SASH1: variants seen among roughly 807,000 people sequenced by gnomAD.
The protein encoded by SASH1 is SAM and SH3 domain containing 1, also known as SAM and SH3 domain-containing protein 1.
Under a neutral mutation model 125.2 loss-of-function variants are expected in SASH1, and 44 were observed. The ratio of observed to expected loss-of-function variants is 0.35; its 90% CI spans 0.28 to 0.45. The LOEUF is 0.45. Ranked by LOEUF, SASH1 falls within the 20% of genes least tolerant of loss-of-function variation. The probability of loss-of-function intolerance (pLI) is 1.00; values close to 1 mark genes in which losing one functional copy is unlikely to be tolerated. For missense variants in SASH1, 1,426 were observed against 1,614.5 expected (o/e 0.88, Z 2.00); for synonymous variants, 639 against 649.1 (o/e 0.98, Z 0.24).
chr6:148,213,358 G>C, the SASH1 span, among the ~76,000 whole-genome samples: 3 of 152,084 alleles, frequency 2.0e-5, no homozygotes, highest in South Asian at 4.2e-4. Context: ...TGTATTCTCC[G>C]CTTTTATGGA....
upstream of SASH1, chr6:148,342,694 G>C (rs986860212): frequency 3.9e-5 from 6 of 152,276 alleles, no homozygotes; most frequent in East Asian, 1.9e-4. Context: ...AACGAGTCGC[G>C]TGCCTTAGTT....
intron 1 of SASH1, among the ~76,000 whole-genome samples, chr6:148,366,083 A>G (rs1782441703): frequency 6.6e-6 from 1 of 151,942 alleles, no homozygotes; most frequent in South Asian, 2.1e-4. Flanking sequence ...ACTGCACTCC[A>G]GCCTGGGGGA....
In SASH1 at chr6:148,532,831, C is replaced by A. The variant is rs1781602827; in HGVS notation, c.1599C>A (p.Thr533=). The change falls in exon 14 of 20, where the codon ACC becomes ACA. Residue 533 remains threonine (T), a synonymous_variant. Coordinates refer to ENST00000367467, the MANE Select transcript of SASH1 (RefSeq NM_015278.5). The surrounding 1 kb of genome is among the most constrained non-coding windows in gnomAD (Gnocchi z 4.7). The part of the protein sequence containing the change: ...GQTVSTTDSS[T]SNRESVKSED... The stretch of plus-strand genomic sequence containing the variant: ...CAGTGAGCACCACTGATTCCTCAAC[C>A]AGCAACCGGGAAAGCGTCAAGTCGG... The A allele has an allele frequency of 1.9e-6, 3 of 1,614,228 alleles. No homozygotes were observed. Among genetic ancestry groups the A allele is most frequent in the Non-Finnish European group, 2.5e-6 (3 of 1,180,050 alleles).
chr6:148,467,160 G>A (rs1053662415), intron 4 of SASH1, among the ~76,000 whole-genome samples: 1 of 136,280 alleles, frequency 7.3e-6, no homozygotes. Context: ...GCAATGGTGC[G>A]ATCTTGGCTC....
At chr6:148,322,263 A>G (rs1334075358) in intron 1 of SASH1, among the ~76,000 whole-genome samples, 1 of 152,136 alleles carries the variant, frequency 6.6e-6, no homozygotes, top group Non-Finnish European at 1.5e-5. Context: ...AGGGCATGAG[A>G]ATCAGTTGAA....
intron 9 of SASH1, among the ~76,000 whole-genome samples, chr6:148,517,157 T>TTA (rs1299906278): frequency 6.6e-6 from 1 of 152,184 alleles, no homozygotes; most frequent in Non-Finnish European, 1.5e-5. Context: ...ATGTTTACTG[T>TTA]TATCATCACA....
At chr6:148,368,770 G>GCACGCACGCACACACACACACACACACA (rs1554245333) in intron 1 of SASH1, among the ~76,000 whole-genome samples, 1 of 135,644 alleles carries the variant, frequency 7.4e-6, no homozygotes, top group South Asian at 2.6e-4. Flanking sequence ...GCACGCGCGC[G>GCACGCACGCACACACACACACACACACA]CACACACACA....
chr6:148,493,294 T>C lies in SASH1; in HGVS notation c.729+5579T>C, dbSNP rs903391160. 6.6e-5 allele frequency among the ~76,000 whole-genome samples: 10 copies of C among 152,234 alleles called. No individual in the cohort carries two copies. The South Asian group carries it at 8.3e-4, about 13-fold the overall frequency. On this transcript the variant is annotated intron_variant, in intron 8 of 19. Coordinates refer to ENST00000367467, the MANE Select transcript of SASH1 (RefSeq NM_015278.5). ...TGACCCTTGCCCCTCTTACTCTGGC[T>C]TTAGCCTGTTCTGCATTTTTATGAA... is the stretch of plus-strand genomic sequence containing the variant.
At chr6:148,254,897 T>C in the SASH1 span, among the ~76,000 whole-genome samples, 2 of 152,152 alleles carry the variant, frequency 1.3e-5, no homozygotes, top group Non-Finnish European at 2.9e-5. Flanking sequence ...GTACAAAAAC[T>C]TGTGCATGAA....
chr6:148,317,511 G>T (rs979513255), intron 1 of SASH1, among the ~76,000 whole-genome samples: 3 of 152,196 alleles, frequency 2.0e-5, no homozygotes, highest in African/African-American at 7.2e-5. Flanking sequence ...CGCAACCTCC[G>T]CCTCCTGGGC....
At chr6:148,287,737 C>T (rs536892653) in intron 1 of SASH1, among the ~76,000 whole-genome samples, 1 of 152,146 alleles carries the variant, frequency 6.6e-6, no homozygotes, top group African/African-American at 2.4e-5. Context: ...TGCAACACCT[C>T]CCAGTTGGGG....
At chr6:148,460,069 G>T (rs1163757564) in intron 4 of SASH1, among the ~76,000 whole-genome samples, 1 of 152,190 alleles carries the variant, frequency 6.6e-6, no homozygotes, top group South Asian at 2.1e-4. Flanking sequence ...AGAACAAAAG[G>T]AGGCAGGCTT....
At chr6:148,223,702 T>C in the SASH1 span, among the ~76,000 whole-genome samples, 1 of 152,234 alleles carries the variant, frequency 6.6e-6, no homozygotes, top group Non-Finnish European at 1.5e-5. Context: ...TTGCAGGACA[T>C]AGCTCATGAC....
Position 148,473,675 on chromosome 6 carries a change from A to C in SASH1, c.515-435A>C, listed in dbSNP as rs1337427387. On this transcript the variant is annotated intron_variant, in intron 6 of 19. Transcript: ENST00000367467. ...GGATTCTTTCCCACTTCTTTGCAAAAATATTTTCTTCTCATTTGTATTGCT... is the reference window on the plus strand; with the variant it reads ...GGATTCTTTCCCACTTCTTTGCAAACATATTTTCTTCTCATTTGTATTGCT... Among the ~76,000 whole-genome samples, 3 of 152,304 alleles carry C rather than the reference A, an allele frequency of 2.0e-5. No homozygotes were observed. The East Asian group carries it at 5.8e-4, about 29-fold the overall frequency.
At chr6:148,377,129 C>CA (rs1231433443) in intron 1 of SASH1, among the ~76,000 whole-genome samples, 4 of 138,926 alleles carry the variant, frequency 2.9e-5, no homozygotes, top group Non-Finnish European at 6.1e-5. Context: ...GAGATCCCGC[C>CA]ACTGCACTCC....
chr6:148,411,166 CAAAAAAAAAAAAAAAAA>C lies in SASH1; in HGVS notation c.285+20918_285+20934del, dbSNP rs56342457. Among the ~76,000 whole-genome samples the C allele has an allele frequency of 6.3e-4, 29 of 46,186 alleles. No individual in the cohort carries two copies. The South Asian group carries it at 0.021, about 34-fold the overall frequency. 30.3% of individuals were successfully genotyped at this position (46,186 alleles called of 152,430 possible). On this transcript the variant is annotated intron_variant, in intron 2 of 19. Coordinates refer to ENST00000367467, the MANE Select transcript of SASH1 (RefSeq NM_015278.5). ...TACAACAAGAGCGAAACTCCATCTC[CAAAAAAAAAAAAAAAAA>C]AAAAAAAAAAAAAGGCCTTCCAGGT...
At chr6:148,298,430 G>A (rs1779821630) in intron 1 of SASH1, among the ~76,000 whole-genome samples, 1 of 152,040 alleles carries the variant, frequency 6.6e-6, no homozygotes, top group African/African-American at 2.4e-5. Context: ...AGGAGTTGGA[G>A]ACCAGCCTGG....
At chr6:148,226,139 T>G in the SASH1 span, among the ~76,000 whole-genome samples, 1 of 152,176 alleles carries the variant, frequency 6.6e-6, no homozygotes, top group Non-Finnish European at 1.5e-5. Context: ...ATTCCAGTGA[T>G]AAAAATGAAA....
At chr6:148,240,680 G>A in the SASH1 span, among the ~76,000 whole-genome samples, 2 of 152,132 alleles carry the variant, frequency 1.3e-5, no homozygotes, top group African/African-American at 2.4e-5. Flanking sequence ...AGGGCTCTGC[G>A]GGCCAAGACG....
Sources: gnomAD v4.1 joint callset for allele counts (sites outside exome capture counted in the v4.1 genomes callset) on GRCh38, gnomAD v4.1.1 for gene constraint, Gnocchi (gnomAD v3.1) non-coding constraint, MANE v1.5 for transcripts, NCBI Gene and HGNC (gene_info 2026-07-23, HGNC 2026-07-21) for gene names.